GOLM2: variants seen among roughly 807,000 people sequenced by gnomAD.
The protein encoded by GOLM2 is golgi membrane protein 2, also known as protein GOLM2.
Under a neutral mutation model 55.9 loss-of-function variants are expected in GOLM2, and 26 were observed. That is an observed-to-expected ratio of 0.47 (90% CI 0.34 to 0.65). The LOEUF (loss-of-function observed/expected upper bound fraction) is 0.65, where lower values mean the gene tolerates loss of function less well. GOLM2 is among the 30% of genes least tolerant of loss of function. The pLI is 0.01. For synonymous variants in GOLM2, 165 were observed against 194.6 expected (o/e 0.85, Z 1.27); for missense variants, 486 against 531.8 (o/e 0.91, Z 0.85).
At chr15:44,367,801 A>C (rs979467749) in intron 6 of GOLM2, among the ~76,000 whole-genome samples, 1 of 152,020 alleles carries the variant, frequency 6.6e-6, no homozygotes, top group Non-Finnish European at 1.5e-5. Flanking sequence ...AAAAAAAAAA[A>C]AAAAGATGCA....
chr15:44,399,687 T>G (rs868630647), intron 8 of GOLM2, among the ~76,000 whole-genome samples: 1 of 152,124 alleles, frequency 6.6e-6, no homozygotes, highest in Admixed American at 6.6e-5. Flanking sequence ...GTCTTCTGTA[T>G]TTCATAACTC....
chr15:44,397,724 C>T, intron 8 of GOLM2, among the ~76,000 whole-genome samples: 1 of 151,950 alleles, frequency 6.6e-6, no homozygotes, highest in Non-Finnish European at 1.5e-5. Context: ...ACATGTTTAG[C>T]CCTCACTTTG....
At chr15:44,394,704 T>A (rs565506803) in intron 8 of GOLM2, among the ~76,000 whole-genome samples, 8 of 152,284 alleles carry the variant, frequency 5.3e-5, no homozygotes, top group African/African-American at 1.9e-4. Flanking sequence ...CACCCCAACC[T>A]CCCACCTCTC....
intron 8 of GOLM2, among the ~76,000 whole-genome samples, chr15:44,396,355 C>CA (rs906445273): frequency 1.1e-4 from 17 of 148,580 alleles, no homozygotes; most frequent in South Asian, 6.4e-4. Context: ...GAGACTCCAT[C>CA]AAAAAAAAAA....
chr15:44,406,791 C>A (rs2079599960), intron 9 of GOLM2: 1 of 152,060 alleles, frequency 6.6e-6, no homozygotes, highest in Non-Finnish European at 1.5e-5. Flanking sequence ...TGTGAGGTCC[C>A]TAGGATTAGA....
chr15:44,352,422 A>G (rs1222995875), intron 6 of GOLM2, among the ~76,000 whole-genome samples: 3 of 152,184 alleles, frequency 2.0e-5, no homozygotes, highest in Non-Finnish European at 2.9e-5. Flanking sequence ...AGCCATATCA[A>G]AATGAATTTA....
chr15:44,333,681 G>A (rs750490768), intron 4 of GOLM2, among the ~76,000 whole-genome samples: 5 of 152,028 alleles, frequency 3.3e-5, no homozygotes, highest in South Asian at 2.1e-4. Flanking sequence ...CATTATAAGC[G>A]TAGTATATAA....
At chr15:44,359,722 A>G (rs2079223626) in intron 6 of GOLM2, among the ~76,000 whole-genome samples, 1 of 152,224 alleles carries the variant, frequency 6.6e-6, no homozygotes, top group African/African-American at 2.4e-5. Flanking sequence ...ATACTCCTCG[A>G]GAAGAGCAAC....
At chr15:44,302,837 G>C (rs550197094) in intron 1 of GOLM2, among the ~76,000 whole-genome samples, 1 of 152,272 alleles carries the variant, frequency 6.6e-6, no homozygotes, top group Non-Finnish European at 1.5e-5. Context: ...GGGCGCAGTG[G>C]CTTACACCTG....
chr15:44,312,043 C>T (rs950036048), intron 1 of GOLM2, among the ~76,000 whole-genome samples: 1 of 152,086 alleles, frequency 6.6e-6, no homozygotes, highest in African/African-American at 2.4e-5. Context: ...AGATTAAAAC[C>T]GCTGAATAAA....
At chr15:44,389,279 C>T (rs532839468) in intron 8 of GOLM2, among the ~76,000 whole-genome samples, 1 of 152,212 alleles carries the variant, frequency 6.6e-6, no homozygotes, top group South Asian at 2.1e-4. Flanking sequence ...CCTGTAATCC[C>T]AGCACTTTTG....
rs1473074132 is a variant in GOLM2, at chr15:44,288,968, C to T, written c.-62C>T. 1.4e-6 allele frequency: 2 copies of T among 1,470,972 alleles called. No homozygotes were observed. Among genetic ancestry groups the T allele is most frequent in the Non-Finnish European group, 1.8e-6 (2 of 1,081,438 alleles). The allele number at this position is 1,470,972 out of a possible 1,614,324, so 91.1% of individuals were successfully genotyped here. ...GTCCGCCGGGCAACTCCAGCCGAGG[C>T]CTGGGCTTCTGCCTGCAGGTGTCTG... On this transcript the variant is annotated 5_prime_UTR_variant, in exon 1 of 10. Transcript: ENST00000299957.
intron 2 of GOLM2, among the ~76,000 whole-genome samples, chr15:44,325,368 A>T (rs1037292718): frequency 6.6e-6 from 1 of 152,150 alleles, no homozygotes; most frequent in African/African-American, 2.4e-5. Context: ...TAAGTCTTTT[A>T]TCTTCAATTA....
chr15:44,401,171 G>A (rs1337785922), intron 8 of GOLM2, among the ~76,000 whole-genome samples: 1 of 152,092 alleles, frequency 6.6e-6, no homozygotes, highest in Non-Finnish European at 1.5e-5. Flanking sequence ...GGGTGCAGTG[G>A]CACAATCTTA....
chr15:44,386,400 C>T (rs1249372743), intron 8 of GOLM2, among the ~76,000 whole-genome samples: 1 of 152,144 alleles, frequency 6.6e-6, no homozygotes, highest in Non-Finnish European at 1.5e-5. Flanking sequence ...ATATGTCTCT[C>T]CTTATGCCAG....
chr15:44,300,649 C>T (rs12594645), intron 1 of GOLM2, among the ~76,000 whole-genome samples: 7,855 of 152,260 alleles, frequency 0.052, 320 homozygotes, highest in East Asian at 0.19. Flanking sequence ...CCTGAAGTGA[C>T]AGGGAGTACC....
intron 6 of GOLM2, among the ~76,000 whole-genome samples, chr15:44,351,576 C>CAAAAAA (rs1175016633): frequency 8.7e-5 from 4 of 45,824 alleles, no homozygotes; most frequent in African/African-American, 1.6e-4. Flanking sequence ...GACTCTGTCT[C>CAAAAAA]AAAAAAAAAA....
intron 1 of GOLM2, among the ~76,000 whole-genome samples, chr15:44,291,869 G>T (rs992232282): frequency 5.9e-5 from 9 of 152,116 alleles, no homozygotes; most frequent in Non-Finnish European, 1.3e-4. Context: ...TTTTTTGGAG[G>T]GAAATGTTAG....
chr15:44,397,124 T>C (rs2079531590), intron 8 of GOLM2, among the ~76,000 whole-genome samples: 1 of 152,126 alleles, frequency 6.6e-6, no homozygotes, highest in South Asian at 2.1e-4. Context: ...AGCAGAACTG[T>C]ATTAAAGGTT....
Sources: gnomAD v4.1 joint callset for allele counts (sites outside exome capture counted in the v4.1 genomes callset) on GRCh38, gnomAD v4.1.1 for gene constraint, MANE v1.5 for transcripts, NCBI Gene and HGNC (gene_info 2026-07-23, HGNC 2026-07-21) for gene names.